The following KCNQ5 variants were observed in gnomAD, a reference collection of about 807,000 sequenced individuals.
The protein encoded by KCNQ5 is potassium voltage-gated channel subfamily KQT member 5.
KCNQ5 carries 30 observed loss-of-function variants against 98.2 expected under a neutral mutation model. That is an observed-to-expected ratio of 0.31 (90% CI 0.23 to 0.41). KCNQ5 has a LOEUF of 0.41. Among genes scored for constraint, KCNQ5 ranks in the 10% least tolerant of loss-of-function variants. The pLI is 1.00. For synonymous variants in KCNQ5, 458 were observed against 449.4 expected, an observed-to-expected ratio of 1.02 and a Z score of -0.24; for missense variants, 835 against 1,182.5, an observed-to-expected ratio of 0.71 and a Z score of 4.31.
intron 1 of KCNQ5, among the ~76,000 whole-genome samples, chr6:72,729,839 T>G (rs998143791): frequency 2.0e-5 from 3 of 152,202 alleles, no homozygotes; most frequent in Non-Finnish European, 4.4e-5. Flanking sequence ...GCCTATATTT[T>G]ACTGGGTTGT....
chr6:72,759,712 TC>T (rs1240558110), intron 1 of KCNQ5, among the ~76,000 whole-genome samples: 1 of 152,044 alleles, frequency 6.6e-6, no homozygotes, highest in Non-Finnish European at 1.5e-5. Flanking sequence ...GATGGCTCCC[TC>T]CCAGAAGGAA....
At chr6:72,986,669 G>T in intron 1 of KCNQ5, 2 of 896,214 alleles carry the variant, frequency 2.2e-6, no homozygotes, top group Non-Finnish European at 3.6e-6. Context: ...GCAGGTGCTT[G>T]GCCATTTGGA....
chr6:72,709,373 G>T (rs919844556), intron 1 of KCNQ5, among the ~76,000 whole-genome samples: 21 of 152,136 alleles, frequency 1.4e-4, no homozygotes, highest in Non-Finnish European at 2.9e-5. Flanking sequence ...ACAGTCTGGG[G>T]TTACACTTGA....
At chr6:72,898,154 A>AT (rs543728084) in intron 1 of KCNQ5, among the ~76,000 whole-genome samples, 32 of 150,810 alleles carry the variant, frequency 2.1e-4, no homozygotes, top group Admixed American at 6.6e-4. Context: ...GTGTAATGAG[A>AT]TTTTTTTTTT....
At chr6:72,731,356 C>A (rs1235713905) in intron 1 of KCNQ5, among the ~76,000 whole-genome samples, 1 of 152,112 alleles carries the variant, frequency 6.6e-6, no homozygotes, top group Non-Finnish European at 1.5e-5. Flanking sequence ...GCAGTGGATC[C>A]AAGAATTTTT....
chr6:72,705,917 A>T (rs1402337785), intron 1 of KCNQ5, among the ~76,000 whole-genome samples: 1 of 152,100 alleles, frequency 6.6e-6, no homozygotes, highest in East Asian at 1.9e-4. Flanking sequence ...TACCAAAAAG[A>T]AATGAGATTT....
chr6:73,123,054 A>T (rs1447779815), intron 8 of KCNQ5, among the ~76,000 whole-genome samples: 1 of 152,120 alleles, frequency 6.6e-6, no homozygotes, highest in Non-Finnish European at 1.5e-5. Context: ...GTATGCATTC[A>T]ACAATTACTC....
intron 1 of KCNQ5, chr6:72,987,671 G>T (rs1207738235): frequency 3.3e-6 from 2 of 610,390 alleles, no homozygotes; most frequent in East Asian, 4.0e-5. Context: ...CGCGGAGCCC[G>T]TCTCTGCTTC....
At chr6:73,099,518 C>G (rs921790897) in intron 5 of KCNQ5, among the ~76,000 whole-genome samples, 1 of 152,012 alleles carries the variant, frequency 6.6e-6, no homozygotes, top group African/African-American at 2.4e-5. Flanking sequence ...CGAAAAAGAG[C>G]AGGAGTAGCT....
chr6:72,988,341 C>G (rs1443387201), intron 1 of KCNQ5, among the ~76,000 whole-genome samples: 1 of 152,192 alleles, frequency 6.6e-6, no homozygotes, highest in Non-Finnish European at 1.5e-5. Flanking sequence ...AGAATGAAAT[C>G]ATGTCCTTTG....
At chr6:72,921,991 G>C (rs1403839111) in intron 1 of KCNQ5, among the ~76,000 whole-genome samples, 3 of 152,132 alleles carry the variant, frequency 2.0e-5, no homozygotes, top group Non-Finnish European at 4.4e-5. Context: ...CTCCAAAAAA[G>C]GTTGTGGGTG....
chr6:73,158,018 A>T, intron 10 of KCNQ5: 1 of 719,142 alleles, frequency 1.4e-6, no homozygotes, highest in Non-Finnish European at 2.6e-6. Flanking sequence ...CTCTGGGTTT[A>T]ATGTCCATGG....
chr6:73,016,025 AAC>A (rs1313810542), intron 2 of KCNQ5, among the ~76,000 whole-genome samples: 2 of 152,180 alleles, frequency 1.3e-5, no homozygotes, highest in African/African-American at 4.8e-5. Context: ...GATAGCAATG[AAC>A]AAAACAGCCA....
intron 3 of KCNQ5, among the ~76,000 whole-genome samples, chr6:73,075,437 G>T (rs1466182211): frequency 6.6e-6 from 1 of 152,048 alleles, no homozygotes; most frequent in Non-Finnish European, 1.5e-5. Context: ...TGGCCAGGAT[G>T]GTCTCGATCT....
At chr6:72,799,137 C>A (rs772106026) in intron 1 of KCNQ5, among the ~76,000 whole-genome samples, 5 of 152,072 alleles carry the variant, frequency 3.3e-5, no homozygotes, top group Non-Finnish European at 7.4e-5. Context: ...AAGGAATTTG[C>A]TTGCTTACAC....
At chr6:72,736,753 C>G (rs1003447916) in intron 1 of KCNQ5, among the ~76,000 whole-genome samples, 1 of 151,746 alleles carries the variant, frequency 6.6e-6, no homozygotes, top group Non-Finnish European at 1.5e-5. Flanking sequence ...CCCGCCTCGG[C>G]CTCCCAAAGT....
At chr6:72,850,078 A>G (rs1582407330) in intron 1 of KCNQ5, among the ~76,000 whole-genome samples, 1 of 152,196 alleles carries the variant, frequency 6.6e-6, no homozygotes, top group South Asian at 2.1e-4. Flanking sequence ...TTTTAAGACA[A>G]GAAATTTTAT....
intron 1 of KCNQ5, among the ~76,000 whole-genome samples, chr6:72,854,249 T>C (rs1195469808): frequency 1.4e-5 from 2 of 142,924 alleles, no homozygotes; most frequent in Non-Finnish European, 3.0e-5. Context: ...AGGGGGGAAA[T>C]AGATGTATGA....
chr6:72,987,136 C>G, intron 1 of KCNQ5: 1 of 661,732 alleles, frequency 1.5e-6, no homozygotes, highest in African/African-American at 1.8e-5. Context: ...GGAGATGGCC[C>G]TAAGGCCCCC....
Sources: gnomAD v4.1 joint callset for allele counts (sites outside exome capture counted in the v4.1 genomes callset) on GRCh38, gnomAD v4.1.1 for gene constraint, MANE v1.5 for transcripts, NCBI Gene and HGNC (gene_info 2026-07-23, HGNC 2026-07-21) for gene names.